CROCC: variants seen among roughly 807,000 people sequenced by gnomAD.
The protein encoded by CROCC is ciliary rootlet coiled-coil, rootletin.
A neutral mutation model predicts 245.2 loss-of-function variants in CROCC; 180 were observed. The ratio of observed to expected loss-of-function variants is 0.73; its 90% CI spans 0.65 to 0.83. CROCC has a LOEUF of 0.83. Among genes scored for constraint, CROCC ranks in the 40% least tolerant of loss-of-function variants. The pLI is 0.00. For missense variants in CROCC, 2,688 were observed against 2,779.4 expected (o/e 0.97, Z 0.74); for synonymous variants, 1,205 against 1,241.6 (o/e 0.97, Z 0.62).
At chr1:16,958,359 A>C (rs556237462) in intron 25 of CROCC, among the ~76,000 whole-genome samples, 6 of 152,254 alleles carry the variant, frequency 3.9e-5, no homozygotes, top group Admixed American at 2.0e-4. Context: ...CCCTTTATGA[A>C]AGGTAGTTTT....
At chr1:16,941,784 T>G (rs1469472308) in intron 13 of CROCC, among the ~76,000 whole-genome samples, 1 of 152,252 alleles carries the variant, frequency 6.6e-6, no homozygotes, top group Non-Finnish European at 1.5e-5. Context: ...TAGCCACATT[T>G]CAAGCACTCA....
At chr1:16,919,327 G>A (rs564532536), upstream of CROCC, among the ~76,000 whole-genome samples, 36 of 152,396 alleles carry the variant, frequency 2.4e-4, no homozygotes, top group South Asian at 6.4e-3. Context: ...CTTCCCTGAA[G>A]CATGTCGCCT....
intron 7 of CROCC, 34 bp from the exon 8 acceptor site, chr1:16,931,257 C>T (rs2075670091): frequency 6.3e-7 from 1 of 1,580,428 alleles, no homozygotes; most frequent in Non-Finnish European, 8.7e-7. Context: ...CCCGCTCTCA[C>T]ACCAACCCTT....
At chr1:16,964,847 T>C (rs1024905627) in intron 27 of CROCC, among the ~76,000 whole-genome samples, 1 of 152,048 alleles carries the variant, frequency 6.6e-6, no homozygotes, top group Non-Finnish European at 1.5e-5. Flanking sequence ...CACGCCCAGC[T>C]AATTTTTGTA....
At chr1:16,919,130 A>G (rs1266870444), upstream of CROCC, among the ~76,000 whole-genome samples, 1 of 152,300 alleles carries the variant, frequency 6.6e-6, no homozygotes, top group Non-Finnish European at 1.5e-5. Flanking sequence ...TTCCATTTGC[A>G]GGGCAGTTTC....
At chr1:16,963,191 A>C (rs1342943717) in intron 27 of CROCC, among the ~76,000 whole-genome samples, 3 of 151,600 alleles carry the variant, frequency 2.0e-5, no homozygotes, top group Non-Finnish European at 4.4e-5. Flanking sequence ...CTCAGAAAAA[A>C]AAAAAAAAAA....
chr1:16,919,671 T>C (rs1447689581), upstream of CROCC, among the ~76,000 whole-genome samples: 1 of 152,280 alleles, frequency 6.6e-6, no homozygotes, highest in African/African-American at 2.4e-5. Context: ...GTGATGCTAA[T>C]GACAATAGGA....
chr1:16,948,315 T>G lies in CROCC; in HGVS notation c.2515-16T>G. The G allele has an allele frequency of 1.3e-6, 2 of 1,549,836 alleles. No homozygotes were observed. Among genetic ancestry groups the G allele is most frequent in the Non-Finnish European group, 1.7e-6 (2 of 1,153,572 alleles). On this transcript the variant is annotated splice_polypyrimidine_tract_variant and intron_variant, in intron 17 of 36. Coordinates refer to ENST00000375541, the MANE Select transcript of CROCC (RefSeq NM_014675.5). Reference sequence around the variant, plus strand: ...GGGACGCTGGGAGTGCTACTCAGTCTCTGGGTGGGGGCCAGCTCTCCCGGC... The same window carrying G: ...GGGACGCTGGGAGTGCTACTCAGTCGCTGGGTGGGGGCCAGCTCTCCCGGC...
chr1:16,940,709 A>AGTTTT (rs762748855), intron 13 of CROCC: 248 of 236,688 alleles, frequency 1.0e-3, no homozygotes, highest in Non-Finnish European at 1.5e-3. Flanking sequence ...TTTAGTATTC[A>AGTTTT]GTTTTGTTTT....
In CROCC at chr1:16,965,603, A is replaced by G. The variant is rs2076403036; in HGVS notation, c.4406-120A>G. The G allele has an allele frequency of 3.9e-6, 3 of 774,296 alleles. No homozygotes were observed. In the Admixed American group the frequency reaches 6.4e-5, roughly 16 times the overall value. The allele number at this position is 774,296 out of a possible 1,614,324, so 48.0% of individuals were successfully genotyped here. A position where few individuals can be genotyped will look rare whatever the true frequency, so the allele number is the denominator to read the frequency against. On this transcript the variant is annotated intron_variant, in intron 27 of 36. Transcript: ENST00000375541. ...GGATGGGCAAGAAGACCCCTAAGCT[A>G]TAGCAGAGAAGTTGGGCTTGATTCT... is the stretch of plus-strand genomic sequence containing the variant.
Position 16,971,481 on chromosome 1 carries a change from TG to T in CROCC, c.5803del (p.Glu1935SerfsTer59). 6.5e-7 allele frequency: 1 copy of T among 1,536,038 alleles called. No individual in the cohort carries two copies. Among genetic ancestry groups the T allele is most frequent in the East Asian group, 2.4e-5 (1 of 40,890 alleles). On this transcript the variant is annotated frameshift_variant, in exon 36 of 37. Coordinates refer to ENST00000375541, the MANE Select transcript of CROCC (RefSeq NM_014675.5). LOFTEE classifies it high-confidence loss of function. ...IQQLEAQVVV[L>X]EQSHSPAQLE... ...TCCCTGCAGGCGCAGGTGGTGGTGC[TG>T]GAGCAGAGCCACAGCCCGGCCCAGC...
intron 36 of CROCC, 57 bp downstream of exon 36, chr1:16,971,704 A>G: frequency 6.4e-6 from 9 of 1,406,240 alleles, no homozygotes; most frequent in Admixed American, 2.8e-5. Context: ...CTGCAGAAAG[A>G]GGAGAGACCC....
chr1:16,959,842 T>G (rs964979435), intron 26 of CROCC, among the ~76,000 whole-genome samples: 6 of 152,050 alleles, frequency 3.9e-5, no homozygotes, highest in African/African-American at 1.4e-4. Flanking sequence ...TGTTCTCAAG[T>G]GCAGCCCACA....
rs1484152029 is a variant in CROCC at position 16,970,471 on chromosome 1, C to T, written c.5652+18C>T. On this transcript the variant is annotated intron_variant, in intron 34 of 36. Coordinates refer to ENST00000375541, the MANE Select transcript of CROCC (RefSeq NM_014675.5). Reference sequence around the variant, plus strand: ...TGGACAAGGTAGGCTGCTCCCCAGGCTCTCCCCTCACTTCCTCTGGGGCCT... The same window carrying T: ...TGGACAAGGTAGGCTGCTCCCCAGGTTCTCCCCTCACTTCCTCTGGGGCCT... 11 of 1,551,640 alleles carry T rather than the reference C, an allele frequency of 7.1e-6. No individual in the cohort carries two copies. The highest frequency in any genetic ancestry group is 9.6e-6 in the Non-Finnish European group (11 of 1,144,718).
In CROCC at chr1:16,922,782, C is replaced by T. The variant is rs1418798867; in HGVS notation, c.180C>T (p.Ser60=). 1 of 1,613,242 alleles carries T rather than the reference C, an allele frequency of 6.2e-7. No homozygotes were observed. Among genetic ancestry groups the T allele is most frequent in the Non-Finnish European group, 8.5e-7 (1 of 1,179,812 alleles). The part of the protein sequence containing the change: ...LIREIVTRNL[S]QPESPVLLPA... ...GGGAGATTGTCACCCGCAACCTCTC[C>T]CAGCCTGAGAGCCCAGGTGCCACCC... The change falls in exon 2 of 37, where the codon TCC becomes TCT. Residue 60 remains serine, a synonymous_variant. Coordinates refer to ENST00000375541, the MANE Select transcript of CROCC (RefSeq NM_014675.5).
intron 17 of CROCC, among the ~76,000 whole-genome samples, chr1:16,947,308 C>T (rs1206387792): frequency 6.6e-6 from 1 of 152,208 alleles, no homozygotes; most frequent in Admixed American, 6.5e-5. Flanking sequence ...GAAACCCTAT[C>T]TCTACAAAAA....
chr1:16,930,245 C>T, intron 5 of CROCC, 38 bp downstream of exon 5: 1 of 1,588,108 alleles, frequency 6.3e-7, no homozygotes, highest in Non-Finnish European at 8.6e-7. Context: ...GCCCTGCCCT[C>T]CACCTGCCCA....
Position 16,946,750 on chromosome 1 carries a change from C to T in CROCC, c.2284-11C>T. The stretch of plus-strand genomic sequence containing the variant: ...CCTGCTCACGAGGCCCCACTCCTAC[C>T]TGGCCTCCAGCTGGAGGAAGAAAAG... On this transcript the variant is annotated splice_polypyrimidine_tract_variant and intron_variant, in intron 16 of 36. Coordinates refer to ENST00000375541, the MANE Select transcript of CROCC (RefSeq NM_014675.5). 1 of 1,550,446 alleles carries T rather than the reference C, an allele frequency of 6.4e-7. No homozygotes were observed. The highest frequency in any genetic ancestry group is 8.7e-7 in the Non-Finnish European group (1 of 1,146,362).
At position 16,952,686 on chromosome 1, in the gene CROCC, T is replaced by C. The variant is rs1361979551; in HGVS notation, c.3007-616T>C. Among the ~76,000 whole-genome samples, 3 of 152,172 alleles carry C rather than the reference T, an allele frequency of 2.0e-5. No individual in the cohort carries two copies. In the East Asian group the frequency reaches 5.8e-4, roughly 29 times the overall value. ...CTTCTTGCCCTTTGCATTGCCTGGC[T>C]TGGCCTCATTAATGTCCCCAAATCT... On this transcript the variant is annotated intron_variant, in intron 20 of 36. Transcript: ENST00000375541.
Sources: allele counts gnomAD v4.1 joint callset (sites outside exome capture counted in the v4.1 genomes callset), GRCh38; gene constraint gnomAD v4.1.1; transcripts MANE v1.5; gene names NCBI Gene and HGNC (gene_info 2026-07-23, HGNC 2026-07-21).